LPP: variants seen among roughly 807,000 people sequenced by gnomAD.
The protein encoded by LPP is LIM domain containing preferred translocation partner in lipoma, also known as lipoma-preferred partner.
A neutral mutation model predicts 60.4 loss-of-function variants in LPP; 38 were observed. The ratio of observed to expected loss-of-function variants is 0.63; its 90% CI spans 0.49 to 0.83. LPP has a LOEUF of 0.83. Ranked by LOEUF, LPP falls within the 40% of genes least tolerant of loss-of-function variation. LPP has a pLI of 0.00. For synonymous variants in LPP, 328 were observed against 290.8 expected (o/e 1.13, Z -1.30); for missense variants, 902 against 783.6 (o/e 1.15, Z -1.80).
At chr3:188,714,480 T>A (rs1449191132) in intron 8 of LPP, among the ~76,000 whole-genome samples, 3 of 152,202 alleles carry the variant, frequency 2.0e-5, no homozygotes, top group Non-Finnish European at 4.4e-5. Flanking sequence ...AGTTCTTCTC[T>A]TGACCATGGG....
chr3:188,784,354 C>T (rs1740873511), intron 9 of LPP, among the ~76,000 whole-genome samples: 1 of 72,688 alleles, frequency 1.4e-5, no homozygotes, highest in Non-Finnish European at 2.5e-5. Context: ...TATATATATT[C>T]CATCATATAT....
At chr3:188,510,768 T>C (rs1815222587) in intron 5 of LPP, among the ~76,000 whole-genome samples, 1 of 152,230 alleles carries the variant, frequency 6.6e-6, no homozygotes, top group Non-Finnish European at 1.5e-5. Flanking sequence ...GAGTTCCTTC[T>C]ATATCTTTAT....
intron 6 of LPP, among the ~76,000 whole-genome samples, chr3:188,547,044 C>T (rs1353150437): frequency 6.6e-6 from 1 of 152,144 alleles, no homozygotes; most frequent in Non-Finnish European, 1.5e-5. Flanking sequence ...ATGAACAAGG[C>T]TGTATGGATG....
At chr3:188,837,836 T>A (rs557062112) in intron 9 of LPP, among the ~76,000 whole-genome samples, 1 of 152,148 alleles carries the variant, frequency 6.6e-6, no homozygotes, top group South Asian at 2.1e-4. Flanking sequence ...AGAATGGTAA[T>A]GAAATGAGAC....
chr3:188,360,547 G>A (rs1768982306), intron 3 of LPP, among the ~76,000 whole-genome samples: 1 of 151,626 alleles, frequency 6.6e-6, no homozygotes, highest in African/African-American at 2.4e-5. Flanking sequence ...TGTGGAGATG[G>A]GGTCTCACTA....
chr3:188,515,645 G>A (rs1474175088), intron 5 of LPP, among the ~76,000 whole-genome samples: 1 of 152,160 alleles, frequency 6.6e-6, no homozygotes, highest in African/African-American at 2.4e-5. Context: ...GAATGCTCTA[G>A]TGTTTGCTCC....
intron 4 of LPP, among the ~76,000 whole-genome samples, chr3:188,466,742 T>G (rs948385201): frequency 7.5e-5 from 11 of 145,824 alleles, no homozygotes; most frequent in Admixed American, 3.4e-4. Context: ...CCTTTTAGTC[T>G]CAGTTATATT....
intron 6 of LPP, among the ~76,000 whole-genome samples, chr3:188,578,474 T>C (rs1309367188): frequency 3.3e-5 from 5 of 152,190 alleles, no homozygotes; most frequent in Admixed American, 6.5e-5. Flanking sequence ...AATACTGTCT[T>C]CATCAGTCCA....
intron 2 of LPP, among the ~76,000 whole-genome samples, chr3:188,280,624 G>A (rs747808696): frequency 3.3e-5 from 5 of 151,872 alleles, no homozygotes; most frequent in Non-Finnish European, 5.9e-5. Context: ...ATTTCATTGT[G>A]ATTCCAGTTG....
intron 6 of LPP, among the ~76,000 whole-genome samples, chr3:188,550,484 A>G (rs1167786215): frequency 6.7e-6 from 1 of 148,242 alleles, no homozygotes; most frequent in African/African-American, 2.5e-5. Context: ...AGGCTGAGGC[A>G]GGAGAATCGC....
intron 1 of LPP, among the ~76,000 whole-genome samples, chr3:188,196,407 C>G (rs1244178391): frequency 6.6e-6 from 1 of 152,184 alleles, no homozygotes; most frequent in Non-Finnish European, 1.5e-5. Context: ...GATGGCTCCT[C>G]TCTGTCCTTC....
At chr3:188,541,209 C>A (rs1313497019) in intron 6 of LPP, among the ~76,000 whole-genome samples, 1 of 152,200 alleles carries the variant, frequency 6.6e-6, no homozygotes, top group Non-Finnish European at 1.5e-5. Context: ...GTTTATTGTT[C>A]ATCTGATTGA....
In LPP at chr3:188,860,591, C is replaced by T. The variant is rs187624741; in HGVS notation, c.1411-5609C>T. On this transcript the variant is annotated intron_variant, in intron 9 of 11. Coordinates refer to ENST00000617246, the MANE Select transcript of LPP (RefSeq NM_001375462.1). Reference sequence around the variant, plus strand: ...CACTTGAAACACACTGTGTGTTAACCTGCCAGTTGAGAAGTTCTAGACTGG... The same window carrying T: ...CACTTGAAACACACTGTGTGTTAACTTGCCAGTTGAGAAGTTCTAGACTGG... Among the ~76,000 whole-genome samples the T allele has an allele frequency of 3.9e-5, 6 of 151,980 alleles. No individual in the cohort carries two copies. In the East Asian group the frequency reaches 9.7e-4, roughly 25 times the overall value.
At chr3:188,379,114 C>T (rs1416013827) in intron 3 of LPP, among the ~76,000 whole-genome samples, 6 of 151,604 alleles carry the variant, frequency 4.0e-5, no homozygotes, top group Non-Finnish European at 8.8e-5. Flanking sequence ...TCCTAATTTG[C>T]ACAAAAGATA....
At chr3:188,507,493 A>T (rs1159694261) in intron 5 of LPP, among the ~76,000 whole-genome samples, 1 of 151,974 alleles carries the variant, frequency 6.6e-6, no homozygotes, top group Admixed American at 6.6e-5. Flanking sequence ...TGTAGTGAAA[A>T]TAGTTACTCA....
chr3:188,592,557 G>GTTTGTTTTGTTTTTTTTTTTTTTTTT (rs1260656926), intron 6 of LPP, among the ~76,000 whole-genome samples: 1 of 85,754 alleles, frequency 1.2e-5, no homozygotes, highest in African/African-American at 4.5e-5. Context: ...TTTTGTTTTT[G>GTTTGTTTTGTTTTTTTTTTTTTTTTT]TTTTTTAAAT....
At chr3:188,819,797 G>T (rs1278751363) in intron 9 of LPP, among the ~76,000 whole-genome samples, 1 of 152,156 alleles carries the variant, frequency 6.6e-6, no homozygotes, top group Non-Finnish European at 1.5e-5. Context: ...GACAGTTTAG[G>T]CCTGGTTTAT....
At chr3:188,685,444 G>A (rs188240634) in intron 7 of LPP, among the ~76,000 whole-genome samples, 36 of 152,272 alleles carry the variant, frequency 2.4e-4, no homozygotes, top group African/African-American at 7.0e-4. Context: ...GGGTGTACAC[G>A]TAAGTAGAAG....
chr3:188,377,640 C>T (rs961713396), intron 3 of LPP, among the ~76,000 whole-genome samples: 1 of 152,014 alleles, frequency 6.6e-6, no homozygotes, highest in Non-Finnish European at 1.5e-5. Flanking sequence ...ACTTCTTTGC[C>T]ATTGGTTTGA....
Sources: allele counts gnomAD v4.1 joint callset (sites outside exome capture counted in the v4.1 genomes callset), GRCh38; gene constraint gnomAD v4.1.1; transcripts MANE v1.5; gene names NCBI Gene and HGNC (gene_info 2026-07-23, HGNC 2026-07-21).